CSAD: variants seen among roughly 807,000 people sequenced by gnomAD.
The protein encoded by CSAD is P-selectin cytoplasmic tail-associated protein.
Under a neutral mutation model 61.5 loss-of-function variants are expected in CSAD, and 47 were observed. The observed-to-expected ratio is 0.76, with a 90% CI of 0.60 to 0.97. The LOEUF (loss-of-function observed/expected upper bound fraction) is 0.97. Ranked by LOEUF, CSAD falls within the 50% of genes least tolerant of loss-of-function variation. CSAD has a pLI of 0.00. For missense variants in CSAD, 611 were observed against 643.6 expected (o/e 0.95, Z 0.55); for synonymous variants, 245 against 252.7 (o/e 0.97, Z 0.29).
At chr12:53,179,946 A>C in intron 1 of CSAD, 1 of 1,570,612 alleles carries the variant, frequency 6.4e-7, no homozygotes, top group East Asian at 2.3e-5. Flanking sequence ...GACTCCCATA[A>C]GACTAGTCTA....
chr12:53,160,791 C>T lies in CSAD; in HGVS notation c.938G>A (p.Cys313Tyr), dbSNP rs1333878834. 7 of 1,551,634 alleles carry T rather than the reference C, an allele frequency of 4.5e-6. No homozygotes were observed. The highest frequency in any genetic ancestry group is 1.7e-6 in the Non-Finnish European group (2 of 1,147,004). The part of the protein sequence containing the change: ...PHKLLAAGLQ[C>Y]SALLLQDTSN... Reference sequence around the variant, plus strand: ...GGTATCCTGGAGAAGAAGTGCAGAGCATTGCAGGCCTGCTGCGAGGAGCTT... The same window carrying T: ...GGTATCCTGGAGAAGAAGTGCAGAGTATTGCAGGCCTGCTGCGAGGAGCTT... Residue 313 changes from cysteine (C) to tyrosine (Y), a missense_variant, in exon 13 of 17, where the codon TGC (cysteine) becomes TAC (tyrosine). Transcript: ENST00000444623.
intron 16 of CSAD, 42 bp from the exon 17 acceptor site, chr12:53,158,726 G>C: frequency 6.3e-7 from 1 of 1,590,434 alleles, no homozygotes; most frequent in Non-Finnish European, 8.6e-7. Flanking sequence ...AGCCTGGGTC[G>C]GCTGACAGGT....
intron 2 of CSAD, chr12:53,174,005 T>C (rs1450885881): frequency 1.1e-5 from 6 of 527,914 alleles, no homozygotes; most frequent in East Asian, 3.4e-5. Flanking sequence ...GGCCATTTCA[T>C]GTAAAACGGG....
At chr12:53,172,842 G>A (rs562435157) in intron 4 of CSAD, among the ~76,000 whole-genome samples, 194 bp from the exon 5 acceptor site, 2 of 152,210 alleles carry the variant, frequency 1.3e-5, no homozygotes, top group Admixed American at 6.5e-5. Flanking sequence ...AGGTACCCAG[G>A]GGGGCAGGGA....
chr12:53,172,567 T>G lies in CSAD; in HGVS notation c.208A>C (p.Ile70Leu). 6.2e-7 allele frequency: 1 copy of G among 1,613,540 alleles called. No homozygotes were observed. The highest frequency in any genetic ancestry group is 8.5e-7 in the Non-Finnish European group (1 of 1,179,820). The change falls in exon 5 of 17, where the codon ATC becomes CTC. Residue 70 changes from isoleucine to leucine, a missense_variant. By Grantham distance (5) the Ile-to-Leu change is conservative (BLOSUM62 2). Transcript: ENST00000444623. ...ATCACAGCCCGACACCGCTCCAGGATCTGCTTCTGTGACTCGCCCTGGCTC... is the reference window on the plus strand; with the variant it reads ...ATCACAGCCCGACACCGCTCCAGGAGCTGCTTCTGTGACTCGCCCTGGCTC... ...LRSQGESQKQ[I>L]LERCRAVIRY...
chr12:53,158,594 C>T lies in CSAD; in HGVS notation c.1399G>A (p.Val467Met), dbSNP rs1373225084. 1 of 1,614,220 alleles carries T rather than the reference C, an allele frequency of 6.2e-7. No individual in the cohort carries two copies. Among genetic ancestry groups the T allele is most frequent in the Non-Finnish European group, 8.5e-7 (1 of 1,180,034 alleles). The change falls in exon 17 of 17, where the codon GTG becomes ATG. Residue 467 changes from valine to methionine, a missense_variant. Coordinates refer to ENST00000444623, the MANE Select transcript of CSAD (RefSeq NM_001244705.2). ...PHGTRGNFFR[V>M]VVANSALTCA... is the part of the protein sequence containing the mutation. The stretch of plus-strand genomic sequence containing the variant: ...GTCAGTGCAGAGTTGGCCACAACCA[C>T]ACGGAAGAAGTTGCCCCGGGTCCCG...
chr12:53,165,678 A>G (rs1259129675), intron 10 of CSAD, among the ~76,000 whole-genome samples: 8 of 151,736 alleles, frequency 5.3e-5, no homozygotes, highest in African/African-American at 1.9e-4. Context: ...AAAAAAAAAA[A>G]AAAGAAGAAG....
At chr12:53,173,550 C>A (rs779233533) in intron 3 of CSAD, 74 bp from the exon 4 acceptor site, 1 of 1,610,916 alleles carries the variant, frequency 6.2e-7, no homozygotes, top group South Asian at 1.1e-5. Context: ...AGCCTCCTCT[C>A]CCAAACGGGC....
intron 15 of CSAD, 27 bp downstream of exon 15, chr12:53,159,860 G>T: frequency 6.3e-7 from 1 of 1,577,304 alleles, no homozygotes; most frequent in East Asian, 2.3e-5. Flanking sequence ...GCTGGGGCAG[G>T]GGCCACAAAA....
chr12:53,178,323 AC>A (rs1391611472), intron 2 of CSAD: 3 of 452,996 alleles, frequency 6.6e-6, no homozygotes, highest in South Asian at 4.7e-5. Context: ...AAACAAAAAA[AC>A]AAAAAAAAAA....
At chr12:53,163,181 A>G (rs1474926889) in intron 10 of CSAD, among the ~76,000 whole-genome samples, 1 of 152,106 alleles carries the variant, frequency 6.6e-6, no homozygotes, top group Non-Finnish European at 1.5e-5. Flanking sequence ...GCTGCAGTGA[A>G]CCATGATTGC....
chr12:53,170,281 G>A (rs980194820), intron 9 of CSAD, 142 bp downstream of exon 9: 13 of 988,592 alleles, frequency 1.3e-5, no homozygotes, highest in East Asian at 2.5e-5. Context: ...GCAGGCTCTG[G>A]TAGACAGGAA....
chr12:53,180,474 C>CT (rs1400752396), intron 1 of CSAD: 1 of 1,211,414 alleles, frequency 8.3e-7, no homozygotes, highest in East Asian at 6.8e-5. Flanking sequence ...CCCTCAGTCT[C>CT]GATGGCGGCC....
chr12:53,173,005 C>T (rs1018781691), intron 4 of CSAD, among the ~76,000 whole-genome samples: 3 of 152,056 alleles, frequency 2.0e-5, no homozygotes, highest in East Asian at 1.9e-4. Flanking sequence ...GTCAGGAGTT[C>T]GAGAGCAGCC....
chr12:53,171,914 C>A lies in CSAD; in HGVS notation c.419G>T (p.Gly140Val). Residue 140 changes from glycine to valine, a missense_variant, in exon 7 of 17, where the codon GGC becomes GTC. Physicochemically the swap from Gly to Val is moderately radical, Grantham distance 109 (BLOSUM62 -3). Transcript: ENST00000444623. ...GAAGATTCCGTCCCCAGAGCTCCAG[C>A]CCACCAGGGCCCGCAGTTTCCTCAG... ...EVLRKLRALVGWSSGDGIFCP... is the reference protein window; with the variant it reads ...EVLRKLRALVVWSSGDGIFCP... 1 of 1,614,008 alleles carries A rather than the reference C, an allele frequency of 6.2e-7. No homozygotes were observed. The highest frequency in any genetic ancestry group is 8.5e-7 in the Non-Finnish European group (1 of 1,179,930).
intron 2 of CSAD, chr12:53,178,316 C>CAA: frequency 4.4e-6 from 2 of 450,296 alleles, no homozygotes; most frequent in South Asian, 3.1e-5. Context: ...CTACAAAAAA[C>CAA]AAAAAAACAA....
chr12:53,171,802 C>T (rs1232903184), intron 7 of CSAD, 80 bp downstream of exon 7: 12 of 978,912 alleles, frequency 1.2e-5, no homozygotes, highest in Middle Eastern at 2.1e-4. Flanking sequence ...CCCTCCCTGC[C>T]AGACACTAGA....
chr12:53,174,662 C>T (rs187062574), intron 2 of CSAD, among the ~76,000 whole-genome samples: 6 of 152,078 alleles, frequency 3.9e-5, no homozygotes, highest in East Asian at 1.9e-4. Flanking sequence ...GGCGTGGTGG[C>T]GGGTGCCTGT....
intron 2 of CSAD, 168 bp from the exon 3 acceptor site, chr12:53,173,938 C>CT: frequency 1.5e-6 from 1 of 650,874 alleles, no homozygotes; most frequent in Non-Finnish European, 2.7e-6. Flanking sequence ...CCATTCTCCC[C>CT]TTCCCCGACC....
Sources: allele counts gnomAD v4.1 joint callset (sites outside exome capture counted in the v4.1 genomes callset), GRCh38; gene constraint gnomAD v4.1.1; transcripts MANE v1.5; gene names NCBI Gene and HGNC (gene_info 2026-07-23, HGNC 2026-07-21).